WDFY3: variants seen among roughly 807,000 people sequenced by gnomAD.
The protein encoded by WDFY3 is WD repeat and FYVE domain containing 3.
Under a neutral mutation model 409.6 loss-of-function variants are expected in WDFY3, and 66 were observed. That is an observed-to-expected ratio of 0.16 (90% CI 0.13 to 0.20). WDFY3 has a LOEUF of 0.20. Ranked by LOEUF, WDFY3 falls within the 10% of genes least tolerant of loss-of-function variation. The pLI is 1.00. For synonymous variants in WDFY3, 1,521 were observed against 1,537.1 expected, an observed-to-expected ratio of 0.99 and a Z score of 0.25; for missense variants, 3,031 against 4,298.1, an observed-to-expected ratio of 0.71 and a Z score of 8.24.
chr4:84,870,227 C>T (rs191303916), intron 3 of WDFY3, among the ~76,000 whole-genome samples: 200 of 152,210 alleles, frequency 1.3e-3, no homozygotes, highest in African/African-American at 4.6e-3. Context: ...AGGGATTTAG[C>T]ACCAAAATGT....
chr4:84,854,823 A>G (rs1258749940), intron 4 of WDFY3, among the ~76,000 whole-genome samples: 2 of 152,104 alleles, frequency 1.3e-5, no homozygotes. Context: ...GCATAAGAAT[A>G]GCTTGAACCT....
chr4:84,826,348 A>G (rs1754862859), intron 10 of WDFY3, among the ~76,000 whole-genome samples: 1 of 152,158 alleles, frequency 6.6e-6, no homozygotes, highest in Non-Finnish European at 1.5e-5. Context: ...TTATATGCAA[A>G]TACTATACCA....
At chr4:84,797,872 G>A in intron 18 of WDFY3, 124 bp downstream of exon 18, 1 of 910,056 alleles carries the variant, frequency 1.1e-6, no homozygotes, top group Non-Finnish European at 1.6e-6. Flanking sequence ...CGCCGGGCCT[G>A]TTTCCCTATT....
chr4:84,863,150 T>C (rs1235563369), intron 3 of WDFY3, among the ~76,000 whole-genome samples: 2 of 152,244 alleles, frequency 1.3e-5, no homozygotes, highest in East Asian at 1.9e-4. Context: ...TATTTCCATA[T>C]CTTGGCTTTT....
chr4:84,775,264 TA>T, intron 27 of WDFY3, 126 bp from the exon 28 acceptor site: 2 of 816,754 alleles, frequency 2.4e-6, no homozygotes, highest in South Asian at 4.2e-5. Context: ...TAAAGTTCTA[TA>T]AAACCACTTA....
intron 56 of WDFY3, among the ~76,000 whole-genome samples, chr4:84,700,950 A>C (rs1244536555): frequency 6.6e-6 from 1 of 152,132 alleles, no homozygotes; most frequent in Non-Finnish European, 1.5e-5. Flanking sequence ...TCTCTACTAA[A>C]AATTTGAAAA....
At chr4:84,771,207 A>G (rs901069577) in intron 30 of WDFY3, among the ~76,000 whole-genome samples, 1 of 152,132 alleles carries the variant, frequency 6.6e-6, no homozygotes, top group African/African-American at 2.4e-5. Context: ...CACAATTACA[A>G]TTCACTACAG....
chr4:84,723,752 A>C (rs901105355), intron 46 of WDFY3, among the ~76,000 whole-genome samples: 4 of 152,240 alleles, frequency 2.6e-5, no homozygotes, highest in African/African-American at 9.6e-5. Context: ...GAGTTGGAGA[A>C]GACTTTAGAG....
chr4:84,750,204 A>C (rs567612563), intron 36 of WDFY3, among the ~76,000 whole-genome samples: 2 of 152,110 alleles, frequency 1.3e-5, no homozygotes, highest in African/African-American at 4.8e-5. Flanking sequence ...TCTCTCTTAG[A>C]GCTTTTTAAA....
intron 3 of WDFY3, 78 bp from the exon 4 acceptor site, chr4:84,860,700 A>G: frequency 8.2e-7 from 1 of 1,221,008 alleles, no homozygotes; most frequent in Non-Finnish European, 1.0e-6. Flanking sequence ...AAGAGCTTAT[A>G]AGAAATTTGC....
chr4:84,928,851 A>T (rs916973312), intron 2 of WDFY3, among the ~76,000 whole-genome samples: 7 of 152,176 alleles, frequency 4.6e-5, no homozygotes, highest in African/African-American at 1.7e-4. Flanking sequence ...GTCACACGCC[A>T]CTTGAATAAG....
intron 30 of WDFY3, among the ~76,000 whole-genome samples, chr4:84,767,822 G>A (rs921754826): frequency 1.3e-5 from 2 of 152,098 alleles, no homozygotes; most frequent in African/African-American, 4.8e-5. Flanking sequence ...GCACTGGCTC[G>A]TGACTGTAAC....
At chr4:84,764,112 A>T (rs1743182533) in intron 32 of WDFY3, among the ~76,000 whole-genome samples, 2 of 152,234 alleles carry the variant, frequency 1.3e-5, no homozygotes, top group South Asian at 4.1e-4. Context: ...GAGATGATAT[A>T]TGTGAACTAA....
intron 13 of WDFY3, among the ~76,000 whole-genome samples, chr4:84,814,901 C>T (rs544172251): frequency 2.6e-4 from 39 of 151,936 alleles, no homozygotes; most frequent in Non-Finnish European, 5.1e-4. Flanking sequence ...GAATGTATTC[C>T]CCCGAAGATA....
intron 48 of WDFY3, 23 bp downstream of exon 48, chr4:84,718,399 T>A: frequency 6.2e-7 from 1 of 1,605,670 alleles, no homozygotes; most frequent in Non-Finnish European, 8.5e-7. Flanking sequence ...CCATACATTA[T>A]GTCTCTTCAT....
chr4:84,774,790 AAAAGAC>A (rs945712501), intron 29 of WDFY3, 24 bp downstream of exon 29: 2 of 1,569,462 alleles, frequency 1.3e-6, no homozygotes, highest in Non-Finnish European at 8.6e-7. Context: ...TTAGTTAATA[AAAAGAC>A]AAAGACAAAG....
intron 32 of WDFY3, among the ~76,000 whole-genome samples, chr4:84,764,859 C>T (rs982639121): frequency 5.5e-5 from 8 of 146,068 alleles, no homozygotes; most frequent in African/African-American, 1.3e-4. Context: ...AGCTAGACTC[C>T]GACTCAAAAA....
rs781440189 is a variant in WDFY3, at chr4:84,850,926, C to CTTTTTTTTTTTTTTTTTTTTT, written c.181-902_181-901insAAAAAAAAAAAAAAAAAAAAA. Among the ~76,000 whole-genome samples, 50 of 32,156 alleles carry CTTTTTTTTTTTTTTTTTTTTT rather than the reference C, an allele frequency of 1.6e-3. 5 individuals are homozygous for CTTTTTTTTTTTTTTTTTTTTT. Among genetic ancestry groups the CTTTTTTTTTTTTTTTTTTTTT allele is most frequent in the South Asian group, 2.8e-3 (2 of 722 alleles). The allele number at this position is 32,156 out of a possible 152,430, so 21.1% of individuals were successfully genotyped here. On this transcript the variant is annotated intron_variant, in intron 4 of 67. Transcript: ENST00000295888. Reference sequence around the variant, plus strand: ...AATTCTTATTTTTAATTTTATTTATCTGTTTTTTTTTTTTTTTTTTTTTTT... The same window carrying CTTTTTTTTTTTTTTTTTTTTT: ...AATTCTTATTTTTAATTTTATTTATCTTTTTTTTTTTTTTTTTTTTTTGTTTTTTTTTTTTTTTTTTTTTTT...
chr4:84,831,290 G>A (rs1330624939), intron 8 of WDFY3, 123 bp downstream of exon 8: 17 of 798,782 alleles, frequency 2.1e-5, no homozygotes, highest in Admixed American at 1.2e-4. Context: ...TTTTCTCTGG[G>A]CAAATTTATT....
Sources: allele counts gnomAD v4.1 joint callset (sites outside exome capture counted in the v4.1 genomes callset), GRCh38; gene constraint gnomAD v4.1.1; transcripts MANE v1.5; gene names NCBI Gene and HGNC (gene_info 2026-07-23, HGNC 2026-07-21).